ULK4: variants seen among roughly 807,000 people sequenced by gnomAD.
The protein encoded by ULK4 is unc-51 like kinase 4, also known as inactive serine/threonine-protein kinase ULK4.
ULK4 carries 133 observed loss-of-function variants against 160.6 expected under a neutral mutation model. The observed-to-expected ratio is 0.83, with a 90% CI of 0.72 to 0.96. The LOEUF is 0.96. ULK4 is among the 40% of genes least tolerant of loss of function. ULK4 has a pLI of 0.00. For missense variants in ULK4, 1,580 were observed against 1,499.5 expected (o/e 1.05, Z -0.89); for synonymous variants, 534 against 539.8 (o/e 0.99, Z 0.15).
intron 35 of ULK4, among the ~76,000 whole-genome samples, chr3:41,378,239 G>A (rs1488122652): frequency 2.5e-5 from 3 of 122,162 alleles, no homozygotes; most frequent in African/African-American, 6.1e-5. Flanking sequence ...TGGGGGGAGG[G>A]GGGAGGGATA....
chr3:41,822,095 C>T (rs1426138791), intron 18 of ULK4, among the ~76,000 whole-genome samples: 3 of 152,206 alleles, frequency 2.0e-5, no homozygotes, highest in African/African-American at 7.2e-5. Context: ...GCATGCAAAT[C>T]AGCTGACATA....
intron 32 of ULK4, among the ~76,000 whole-genome samples, chr3:41,558,561 G>A (rs57621499): frequency 0.063 from 9,606 of 151,772 alleles, 970 homozygotes; most frequent in African/African-American, 0.21. Context: ...AAAATTAGCC[G>A]GGCATGGTGG....
intron 32 of ULK4, among the ~76,000 whole-genome samples, chr3:41,488,514 AT>A (rs1276869630): frequency 2.6e-5 from 4 of 152,210 alleles, no homozygotes; most frequent in African/African-American, 9.7e-5. Context: ...AATTTTTATC[AT>A]GAATATGCAT....
At chr3:41,454,131 C>T (rs560043605) in intron 34 of ULK4, among the ~76,000 whole-genome samples, 1 of 142,662 alleles carries the variant, frequency 7.0e-6, no homozygotes, top group Non-Finnish European at 1.5e-5. Context: ...ACATATGTAA[C>T]AAACCTGCAC....
chr3:41,819,879 T>A lies in ULK4; in HGVS notation c.1765-373A>T, dbSNP rs191377168. On this transcript the variant is annotated intron_variant, in intron 18 of 36. Transcript: ENST00000301831. ...AAAAGTATTACATTATCTGGAATGATTTGAAAGCATAGAAAACACAAGTTT... is the reference window on the plus strand; with the variant it reads ...AAAAGTATTACATTATCTGGAATGAATTGAAAGCATAGAAAACACAAGTTT... 8.5e-5 allele frequency among the ~76,000 whole-genome samples: 13 copies of A among 152,282 alleles called. No homozygotes were observed. In the East Asian group the frequency reaches 2.3e-3, roughly 27 times the overall value.
At chr3:41,711,204 G>A (rs1214717355) in intron 25 of ULK4, among the ~76,000 whole-genome samples, 2 of 152,206 alleles carry the variant, frequency 1.3e-5, no homozygotes, top group East Asian at 1.9e-4. Flanking sequence ...GGAATGCTGA[G>A]GAACAAAGGC....
intron 34 of ULK4, among the ~76,000 whole-genome samples, chr3:41,447,528 A>C (rs1247027211): frequency 1.3e-5 from 2 of 152,076 alleles, no homozygotes; most frequent in Admixed American, 6.5e-5. Context: ...GGGAGAAAGC[A>C]GATCTGCAGT....
At chr3:41,446,480 T>C (rs1325403256) in intron 34 of ULK4, among the ~76,000 whole-genome samples, 1 of 152,062 alleles carries the variant, frequency 6.6e-6, no homozygotes, top group African/African-American at 2.4e-5. Context: ...CCAAGCCAAA[T>C]GTCTAACAAT....
At chr3:41,350,026 A>G (rs1480650568) in intron 35 of ULK4, among the ~76,000 whole-genome samples, 1 of 152,214 alleles carries the variant, frequency 6.6e-6, no homozygotes, top group Admixed American at 6.5e-5. Context: ...TATATATTCT[A>G]TAATTTAATA....
At chr3:41,644,199 A>G (rs1272750559) in intron 30 of ULK4, among the ~76,000 whole-genome samples, 1 of 151,874 alleles carries the variant, frequency 6.6e-6, no homozygotes, top group Non-Finnish European at 1.5e-5. Flanking sequence ...TCTCCTGCCT[A>G]ATTGTCCTGG....
chr3:41,506,785 T>A (rs1299595725), intron 32 of ULK4, among the ~76,000 whole-genome samples: 883 of 32,242 alleles, frequency 0.027, 109 homozygotes, highest in Admixed American at 0.084. Flanking sequence ...TATATATATA[T>A]ATATATATAT....
chr3:41,488,760 G>T (rs974883343), intron 32 of ULK4, among the ~76,000 whole-genome samples: 1 of 152,166 alleles, frequency 6.6e-6, no homozygotes, highest in African/African-American at 2.4e-5. Flanking sequence ...AGTTTCAAGT[G>T]TCTTAGCTAT....
chr3:41,721,362 A>ATATATATATATATATAT (rs1553639902), intron 22 of ULK4, among the ~76,000 whole-genome samples: 1 of 27,934 alleles, frequency 3.6e-5, no homozygotes, highest in Non-Finnish European at 5.7e-5. Flanking sequence ...ATATATATAT[A>ATATATATATATATATAT]TTTTTTTTTT....
chr3:41,347,651 CG>C (rs1000453942), intron 35 of ULK4, among the ~76,000 whole-genome samples: 4 of 152,130 alleles, frequency 2.6e-5, no homozygotes, highest in Non-Finnish European at 5.9e-5. Flanking sequence ...ATGATCAAAT[CG>C]TGCACACGTT....
Position 41,838,039 on chromosome 3 carries a change from T to TTTCCTTTGACCTTTGCTGATCATC in ULK4, c.1657-2092_1657-2069dup, listed in dbSNP as rs2041810075. On this transcript the variant is annotated intron_variant, in intron 17 of 36. Transcript: ENST00000301831. ...CAGGTCACTTCTACACAGTCTTCCT[T>TTTCCTTTGACCTTTGCTGATCATC]TTCCTTTGACCTTTGCTGATCATCT... 2.6e-5 allele frequency among the ~76,000 whole-genome samples: 4 copies of TTTCCTTTGACCTTTGCTGATCATC among 152,334 alleles called. 1 individual carries two copies. The highest frequency in any genetic ancestry group is 6.5e-5 in the Admixed American group (1 of 15,298).
At chr3:41,678,281 A>G (rs1162213170) in intron 29 of ULK4, among the ~76,000 whole-genome samples, 2 of 151,910 alleles carry the variant, frequency 1.3e-5, no homozygotes, top group Non-Finnish European at 2.9e-5. Context: ...ATTTATTCTT[A>G]CAACTGAGCC....
chr3:41,781,170 C>A (rs1559548942), intron 21 of ULK4, among the ~76,000 whole-genome samples: 1 of 152,054 alleles, frequency 6.6e-6, no homozygotes, highest in East Asian at 1.9e-4. Flanking sequence ...AAACAGATAT[C>A]TGATTGAAAC....
intron 17 of ULK4, among the ~76,000 whole-genome samples, chr3:41,857,859 A>G (rs1045264698): frequency 7.5e-6 from 1 of 132,614 alleles, no homozygotes; most frequent in Non-Finnish European, 1.5e-5. Context: ...TGGTTTTCTT[A>G]GTCTGGCTAA....
In ULK4 at chr3:41,667,678, A is replaced by G. The variant is rs535845272; in HGVS notation, c.2979-3979T>C. Among the ~76,000 whole-genome samples the G allele has an allele frequency of 4.6e-5, 7 of 152,318 alleles. No individual in the cohort carries two copies. In the South Asian group the frequency reaches 1.2e-3, roughly 27 times the overall value. On this transcript the variant is annotated intron_variant, in intron 29 of 36. Transcript: ENST00000301831. Reference sequence around the variant, plus strand: ...GCCAGAGACTAAGATCACTGTTGACATAACAGTACCCTGTCCAGACAGTAT... The same window carrying G: ...GCCAGAGACTAAGATCACTGTTGACGTAACAGTACCCTGTCCAGACAGTAT...
Sources: gnomAD v4.1 joint callset for allele counts (sites outside exome capture counted in the v4.1 genomes callset) on GRCh38, gnomAD v4.1.1 for gene constraint, MANE v1.5 for transcripts, NCBI Gene and HGNC (gene_info 2026-07-23, HGNC 2026-07-21) for gene names.